Variants in CDK14 observed in about 807,000 individuals in gnomAD.
The protein encoded by CDK14 is cyclin-dependent kinase 14.
In CDK14, 34 loss-of-function variants were observed where a neutral mutation model predicts 60.7. The observed-to-expected ratio is 0.56, with a 90% CI of 0.43 to 0.75. The LOEUF (loss-of-function observed/expected upper bound fraction) is 0.75. CDK14 is among the 30% of genes least tolerant of loss of function. The probability of loss-of-function intolerance (pLI) is 0.00; values close to 1 mark genes in which losing one functional copy is unlikely to be tolerated. For synonymous variants in CDK14, 197 were observed against 203.7 expected, an observed-to-expected ratio of 0.97 and a Z score of 0.28; for missense variants, 482 against 564.1, an observed-to-expected ratio of 0.85 and a Z score of 1.47.
chr7:90,863,227 C>G lies in CDK14; in HGVS notation c.597C>G (p.Ile199Met). ...KHANIVLLHD[I>M]IHTKETLTLV... The stretch of plus-strand genomic sequence containing the variant: ...CTAACATAGTGCTACTTCATGACAT[C>G]ATCCATACCAAGGAGACGCTGACAC... Residue 199 changes from isoleucine to methionine, a missense_variant, in exon 6 of 15, where the codon ATC becomes ATG. Coordinates refer to ENST00000380050, the MANE Select transcript of CDK14 (RefSeq NM_001287135.2). 1 of 1,609,934 alleles carries G rather than the reference C, an allele frequency of 6.2e-7. No individual in the cohort carries two copies. Among genetic ancestry groups the G allele is most frequent in the East Asian group, 2.2e-5 (1 of 44,794 alleles).
chr7:91,136,090 T>A (rs1414248215), intron 14 of CDK14, among the ~76,000 whole-genome samples: 1 of 152,198 alleles, frequency 6.6e-6, no homozygotes, highest in Non-Finnish European at 1.5e-5. Flanking sequence ...TATAGCATTT[T>A]CTGATACAAA....
intron 9 of CDK14, among the ~76,000 whole-genome samples, chr7:90,981,320 T>C (rs1303053952): frequency 6.6e-6 from 1 of 152,228 alleles, no homozygotes; most frequent in East Asian, 1.9e-4. Flanking sequence ...ATGTTGTCTC[T>C]CAAATCTAAA....
At chr7:90,930,244 A>C (rs1793547860) in intron 8 of CDK14, among the ~76,000 whole-genome samples, 1 of 152,188 alleles carries the variant, frequency 6.6e-6, no homozygotes, top group Non-Finnish European at 1.5e-5. Flanking sequence ...CAGTAAAAAA[A>C]AATGCATAGA....
At chr7:91,082,289 G>A (rs924292270) in intron 12 of CDK14, among the ~76,000 whole-genome samples, 3 of 152,196 alleles carry the variant, frequency 2.0e-5, no homozygotes, top group Non-Finnish European at 4.4e-5. Context: ...GATTTCGGAG[G>A]TTTGAAAGTA....
chr7:90,668,253 T>G (rs1801025581), intron 2 of CDK14, among the ~76,000 whole-genome samples: 1 of 152,218 alleles, frequency 6.6e-6, no homozygotes, highest in Non-Finnish European at 1.5e-5. Context: ...TATTTGTGTT[T>G]CCCTACTGAC....
chr7:90,684,751 T>G (rs964869003), intron 2 of CDK14, among the ~76,000 whole-genome samples: 1 of 152,116 alleles, frequency 6.6e-6, no homozygotes, highest in African/African-American at 2.4e-5. Context: ...TCACACCGTG[T>G]TTATGGTTCT....
Position 90,682,598 on chromosome 7 carries a change from A to G in CDK14, c.124-43969A>G, listed in dbSNP as rs1235303627. Among the ~76,000 whole-genome samples, 9 of 152,308 alleles carry G rather than the reference A, an allele frequency of 5.9e-5. No homozygotes were observed. In the East Asian group the frequency reaches 1.7e-3, roughly 29 times the overall value. ...CTATTCAGCATATCTGAAGTTATCA[A>G]CCTCAGATACGATACTTATTATCTT... On this transcript the variant is annotated intron_variant, in intron 2 of 14. Transcript: ENST00000380050.
intron 14 of CDK14, among the ~76,000 whole-genome samples, chr7:91,195,034 A>G (rs1802489532): frequency 1.3e-5 from 2 of 152,160 alleles, no homozygotes. Context: ...GCCTGCAACC[A>G]CTGTTCTTTG....
intron 14 of CDK14, among the ~76,000 whole-genome samples, chr7:91,167,643 C>G (rs1245564965): frequency 2.6e-5 from 4 of 152,178 alleles, no homozygotes; most frequent in Non-Finnish European, 2.9e-5. Context: ...CCCAAATGAT[C>G]CAAGTGGACA....
chr7:90,709,900 T>C, intron 2 of CDK14: 3 of 1,253,190 alleles, frequency 2.4e-6, no homozygotes, highest in East Asian at 3.9e-5. Context: ...AACACATTGC[T>C]AGAGACATGT....
chr7:91,092,947 A>G (rs767608017), intron 12 of CDK14, among the ~76,000 whole-genome samples: 22 of 152,220 alleles, frequency 1.4e-4, no homozygotes, highest in Non-Finnish European at 2.9e-4. Flanking sequence ...TCCCTCCTCC[A>G]ATGTTTTCAT....
chr7:90,756,742 TC>T (rs1360625334), intron 4 of CDK14, among the ~76,000 whole-genome samples: 1 of 152,184 alleles, frequency 6.6e-6, no homozygotes, highest in Non-Finnish European at 1.5e-5. Flanking sequence ...GGATCCCTGT[TC>T]CAATACTCCT....
chr7:90,881,966 C>G (rs1320271575), intron 6 of CDK14, among the ~76,000 whole-genome samples: 1 of 152,104 alleles, frequency 6.6e-6, no homozygotes, highest in Non-Finnish European at 1.5e-5. Context: ...AAAACCGGTA[C>G]CAGCCAGTGC....
At chr7:90,963,777 G>A (rs951080168) in intron 9 of CDK14, among the ~76,000 whole-genome samples, 2 of 141,676 alleles carry the variant, frequency 1.4e-5, no homozygotes, top group Non-Finnish European at 3.0e-5. Flanking sequence ...GTGCAATGGC[G>A]CGATCTCAGC....
In CDK14 at chr7:91,173,602, C is replaced by G. The variant is rs1801605705; in HGVS notation, c.*29-33563C>G. On this transcript the variant is annotated intron_variant, in intron 14 of 14. Transcript: ENST00000380050. ...GGGCGCAGGTCAGTGGGTGCATGCA[C>G]CGTGCGCGAGCCGAAGCAGGGCGAG... Among the ~76,000 whole-genome samples the G allele has an allele frequency of 2.0e-5, 3 of 152,160 alleles. No homozygotes were observed. In the South Asian group the frequency reaches 6.2e-4, roughly 32 times the overall value.
chr7:90,829,618 GC>G (rs923471265), intron 5 of CDK14, among the ~76,000 whole-genome samples: 2 of 151,676 alleles, frequency 1.3e-5, no homozygotes, highest in South Asian at 2.1e-4. Flanking sequence ...GGCAACCTCC[GC>G]CCCCCCAGGT....
chr7:90,770,283 T>A (rs1003939649), intron 4 of CDK14, among the ~76,000 whole-genome samples: 6 of 152,246 alleles, frequency 3.9e-5, no homozygotes, highest in African/African-American at 1.4e-4. Context: ...TTGTAGTATG[T>A]ATGTATAACT....
chr7:91,107,391 A>C (rs1010552966), intron 12 of CDK14: 27 of 152,234 alleles, frequency 1.8e-4, no homozygotes, highest in African/African-American at 6.5e-4. Context: ...ATGAATGTTA[A>C]AGGAAATTTA....
chr7:91,164,786 C>T (rs1268450773), intron 14 of CDK14, among the ~76,000 whole-genome samples: 1 of 152,252 alleles, frequency 6.6e-6, no homozygotes, highest in Non-Finnish European at 1.5e-5. Context: ...CTGCTCTACA[C>T]TGCCTGCCTT....
Sources: gnomAD v4.1 joint callset for allele counts (sites outside exome capture counted in the v4.1 genomes callset) on GRCh38, gnomAD v4.1.1 for gene constraint, MANE v1.5 for transcripts, NCBI Gene and HGNC (gene_info 2026-07-23, HGNC 2026-07-21) for gene names.